USP30: variants seen among roughly 807,000 people sequenced by gnomAD.
USP30 encodes the protein ubiquitin carboxyl-terminal hydrolase 30.
Under a neutral mutation model 68.2 loss-of-function variants are expected in USP30, and 41 were observed. That is an observed-to-expected ratio of 0.60 (90% CI 0.47 to 0.78). The LOEUF is 0.78. Among genes scored for constraint, USP30 ranks in the 30% least tolerant of loss-of-function variants. USP30 has a pLI of 0.00. For synonymous variants in USP30, 229 were observed against 253.7 expected (o/e 0.90, Z 0.93); for missense variants, 522 against 649.4 (o/e 0.80, Z 2.13).
intron 3 of USP30, among the ~76,000 whole-genome samples, chr12:109,034,543 A>G (rs1047482103): frequency 5.9e-5 from 9 of 152,150 alleles, no homozygotes; most frequent in Non-Finnish European, 1.0e-4. Flanking sequence ...CCTGGGCAAC[A>G]TAGTGAGACC....
Position 109,070,280 on chromosome 12 carries a change from G to A in USP30, c.481-1332G>A, listed in dbSNP as rs554487408. Among the ~76,000 whole-genome samples the A allele has an allele frequency of 4.6e-5, 7 of 152,276 alleles. No homozygotes were observed. In the South Asian group the frequency reaches 1.5e-3, roughly 32 times the overall value. On this transcript the variant is annotated intron_variant, in intron 4 of 12. Coordinates refer to ENST00000257548, the MANE Select transcript of USP30 (RefSeq NM_032663.5). The surrounding 1 kb of genome is among the most constrained non-coding windows in gnomAD (Gnocchi z 4.0). ...AATTTAGGGCGTATTTTGGAGGAGG[G>A]TCCTTTTTTCAGGACTGCTGCTGAA... is the stretch of plus-strand genomic sequence containing the variant.
At chr12:109,036,341 C>T (rs2040520099) in intron 3 of USP30, among the ~76,000 whole-genome samples, 2 of 151,000 alleles carry the variant, frequency 1.3e-5, no homozygotes, top group Non-Finnish European at 2.9e-5. Flanking sequence ...CACCCTTTCA[C>T]CCAGGCTGGA....
At chr12:109,028,216 C>T (rs772200863) in intron 3 of USP30, among the ~76,000 whole-genome samples, 22 of 152,066 alleles carry the variant, frequency 1.4e-4, no homozygotes, top group Admixed American at 7.2e-4. Context: ...TTGAATTGTT[C>T]GGGGATTTTT....
intron 9 of USP30, 62 bp downstream of exon 9, chr12:109,082,081 C>T: frequency 6.5e-7 from 1 of 1,535,382 alleles, no homozygotes; most frequent in South Asian, 1.1e-5. Context: ...TAGCGCCTCT[C>T]ACACCAGTGA....
chr12:109,042,291 T>C (rs1448085010), intron 3 of USP30, among the ~76,000 whole-genome samples: 2 of 152,170 alleles, frequency 1.3e-5, no homozygotes, highest in African/African-American at 4.8e-5. Context: ...AAATATTGCA[T>C]GGAGATGGTA....
chr12:109,051,833 G>A (rs1216363358), upstream of USP30, among the ~76,000 whole-genome samples: 3 of 152,158 alleles, frequency 2.0e-5, no homozygotes, highest in African/African-American at 7.2e-5. Flanking sequence ...TTCTCCCAAA[G>A]TGCTGGGATT....
chr12:109,056,141 A>C (rs1381639120), intron 1 of USP30, among the ~76,000 whole-genome samples: 2 of 151,870 alleles, frequency 1.3e-5, no homozygotes, highest in East Asian at 3.9e-4. Context: ...CAGAGTGAGA[A>C]GTAGCCTTTG....
chr12:109,073,853 A>G (rs2041517714), intron 7 of USP30, among the ~76,000 whole-genome samples: 1 of 152,180 alleles, frequency 6.6e-6, no homozygotes. Flanking sequence ...TTAAAATAAT[A>G]TTTTATTATG....
At chr12:109,073,099 G>A (rs1462009184) in intron 6 of USP30, among the ~76,000 whole-genome samples, 3 of 152,152 alleles carry the variant, frequency 2.0e-5, no homozygotes, top group African/African-American at 4.8e-5. Context: ...ATTTTATCTC[G>A]CTTTATGGAA....
At chr12:109,035,042 T>A (rs1032403853) in intron 3 of USP30, among the ~76,000 whole-genome samples, 1 of 152,206 alleles carries the variant, frequency 6.6e-6, no homozygotes, top group East Asian at 1.9e-4. Context: ...GAAGATAGAA[T>A]ATAGTTGGAT....
At chr12:109,061,385 C>T (rs1593253763) in intron 3 of USP30, among the ~76,000 whole-genome samples, 1 of 137,230 alleles carries the variant, frequency 7.3e-6, no homozygotes, top group Non-Finnish European at 1.5e-5. Flanking sequence ...ATGTCTCTAA[C>T]TTTGGTTTAA....
intron 4 of USP30, among the ~76,000 whole-genome samples, chr12:109,068,301 G>A (rs947242592): frequency 6.6e-6 from 1 of 152,198 alleles, no homozygotes; most frequent in African/African-American, 2.4e-5. Flanking sequence ...GTCCAGCTTC[G>A]TGTAGGCGTT....
intron 7 of USP30, among the ~76,000 whole-genome samples, chr12:109,076,397 C>A (rs1484350197): frequency 7.6e-6 from 1 of 132,444 alleles, no homozygotes; most frequent in Non-Finnish European, 1.6e-5. Context: ...CCTTTCCAAC[C>A]CAATCTTTAT....
rs1303320144 is a variant in USP30 at position 109,052,602 on chromosome 12, A to G, written c.-77A>G. The G allele has an allele frequency of 9.5e-6, 13 of 1,369,100 alleles. 1 individual carries two copies. The highest frequency in any genetic ancestry group is 3.1e-5 in the South Asian group (2 of 64,850). 84.8% of individuals were successfully genotyped at this position (1,369,100 alleles called of 1,614,324 possible). A position where few individuals can be genotyped will look rare whatever the true frequency, so the allele number is the denominator to read the frequency against. On this transcript the variant is annotated 5_prime_UTR_variant, in exon 1 of 13. Coordinates refer to ENST00000257548, the MANE Select transcript of USP30 (RefSeq NM_032663.5). ...CGGCCGCAGGTTCCGCTGTCTCGGG[A>G]ACCGTCGTATCCCTCGGTCCGGCGG... is the stretch of plus-strand genomic sequence containing the variant.
intron 3 of USP30, among the ~76,000 whole-genome samples, chr12:109,046,832 G>T (rs964105649): frequency 6.6e-6 from 1 of 152,134 alleles, no homozygotes; most frequent in Non-Finnish European, 1.5e-5. Context: ...GAGTAGCTAG[G>T]ATTACAGGTG....
intron 3 of USP30, among the ~76,000 whole-genome samples, chr12:109,029,288 T>A (rs1039552136): frequency 1.3e-5 from 2 of 152,296 alleles, no homozygotes; most frequent in Admixed American, 6.5e-5. Context: ...TTTTGGAGAA[T>A]AAACCTGAGA....
chr12:109,029,331 C>A (rs890427629), intron 3 of USP30, among the ~76,000 whole-genome samples: 4 of 152,186 alleles, frequency 2.6e-5, no homozygotes, highest in African/African-American at 9.7e-5. Flanking sequence ...CAGAGGCACT[C>A]TCTCTGACAG....
At chr12:109,025,794 T>C (rs1327269624) in intron 2 of USP30, among the ~76,000 whole-genome samples, 2 of 151,750 alleles carry the variant, frequency 1.3e-5, no homozygotes, top group African/African-American at 2.4e-5. Context: ...CTCTAGCGAT[T>C]CTCCCACCTC....
chr12:109,067,310 A>C (rs1330421745), intron 3 of USP30, among the ~76,000 whole-genome samples: 1 of 151,184 alleles, frequency 6.6e-6, no homozygotes, highest in East Asian at 2.0e-4. Flanking sequence ...GTGGAGACGG[A>C]GTTTCACCAT....
Sources: allele counts gnomAD v4.1 joint callset (sites outside exome capture counted in the v4.1 genomes callset), GRCh38; gene constraint gnomAD v4.1.1; non-coding constraint Gnocchi (gnomAD v3.1); transcripts MANE v1.5; gene names NCBI Gene and HGNC (gene_info 2026-07-23, HGNC 2026-07-21).